Variants in EEF1A2 observed in about 807,000 individuals in gnomAD.
EEF1A2 encodes eukaryotic translation elongation factor 1 alpha 2.
A neutral mutation model predicts 39.3 loss-of-function variants in EEF1A2; 5 were observed. The ratio of observed to expected loss-of-function variants is 0.13; its 90% CI spans 0.07 to 0.27. The LOEUF is 0.27. Ranked by LOEUF, EEF1A2 falls within the 10% of genes least tolerant of loss-of-function variation. The pLI is 1.00. For missense variants in EEF1A2, 218 were observed against 681.4 expected, an observed-to-expected ratio of 0.32 and a Z score of 7.57; for synonymous variants, 287 against 293.7, an observed-to-expected ratio of 0.98 and a Z score of 0.23.
chr20:63,491,639 CGGATGGATGGGGAGGTGGGTGGAT>C (rs2082379032), intron 5 of EEF1A2, among the ~76,000 whole-genome samples: 1 of 142,718 alleles, frequency 7.0e-6, no homozygotes, highest in African/African-American at 2.6e-5. Context: ...GATGGATGGA[CGGATGGATGGGGAGGTGGGTGGAT>C]GGATGGATGG....
At position 63,498,069 on chromosome 20, in the gene EEF1A2, T is replaced by C. The variant is rs1466779117; in HGVS notation, c.-71-235A>G. ...AACAGCCCCATCTGCTGTAAATAAC[T>C]GGGCGTTGGAGCCCGCGGGCTGCTC... On this transcript the variant is annotated intron_variant, in intron 1 of 7. Transcript: ENST00000217182. This position sits in a 1 kb window ranked among gnomAD's most constrained non-coding sequence, Gnocchi z 4.1. The C allele has an allele frequency of 7.1e-6, 2 of 283,504 alleles. No individual in the cohort carries two copies. Among genetic ancestry groups the C allele is most frequent in the Non-Finnish European group, 1.3e-5 (2 of 151,364 alleles). The allele number at this position is 283,504 out of a possible 1,614,324, so 17.6% of individuals were successfully genotyped here.
Position 63,493,132 on chromosome 20 carries a change from C to T in EEF1A2, c.772+5G>A, listed in dbSNP as rs2082398700. 2 of 1,546,984 alleles carry T rather than the reference C, an allele frequency of 1.3e-6. No individual in the cohort carries two copies. The highest frequency in any genetic ancestry group is 2.0e-5 in the Admixed American group (1 of 50,820). On this transcript the variant is annotated splice_donor_5th_base_variant and intron_variant, in intron 5 of 7. Transcript: ENST00000217182. ...CAGGAGCTCCAGCACAGCGCCCTTG[C>T]TCACCGCCAATCTTGTACACGTCCT...
intron 5 of EEF1A2, among the ~76,000 whole-genome samples, chr20:63,491,903 T>TAGAA (rs2082382646): frequency 8.4e-6 from 1 of 119,560 alleles, no homozygotes; most frequent in African/African-American, 3.3e-5. Flanking sequence ...GATGGATGGA[T>TAGAA]GGATGGATGG....
In EEF1A2 at chr20:63,489,192, G is replaced by A. The variant is rs767609156; in HGVS notation, c.1030-40C>T. 6.3e-6 allele frequency: 10 copies of A among 1,592,034 alleles called. No homozygotes were observed. In the African/African-American group the frequency reaches 8.0e-5, roughly 13 times the overall value. On this transcript the variant is annotated intron_variant, in intron 6 of 7. Coordinates refer to ENST00000217182, the MANE Select transcript of EEF1A2 (RefSeq NM_001958.5). ...ACAGGCGGCCATCAGGCACATCGGC[G>A]GTGGGCACCGGGAGGGCGCCAGAGC...
In EEF1A2 at chr20:63,497,439, T is replaced by TA; in HGVS notation, c.144+180dup. The TA allele has an allele frequency of 2.1e-6, 2 of 958,326 alleles. No homozygotes were observed. Among genetic ancestry groups the TA allele is most frequent in the Non-Finnish European group, 2.9e-6 (2 of 678,416 alleles). The allele number at this position is 958,326 out of a possible 1,614,324, so 59.4% of individuals were successfully genotyped here. ...CACCCCTCCCCCACCAAGCTCCCCC[T>TA]AAGAGAGAGGCTGCCCCACCAGACC... On this transcript the variant is annotated intron_variant, in intron 2 of 7. Coordinates refer to ENST00000217182, the MANE Select transcript of EEF1A2 (RefSeq NM_001958.5). This position sits in a 1 kb window ranked among gnomAD's most constrained non-coding sequence, Gnocchi z 7.3.
intron 5 of EEF1A2, among the ~76,000 whole-genome samples, chr20:63,491,876 A>AGATCGATG (rs2082381914): frequency 1.6e-5 from 1 of 62,234 alleles, no homozygotes; most frequent in Non-Finnish European, 3.1e-5. Context: ...GTGGATGGAT[A>AGATCGATG]GATGGATGGA....
At chr20:63,492,627 T>G (rs2082394020) in intron 5 of EEF1A2, among the ~76,000 whole-genome samples, 1 of 133,536 alleles carries the variant, frequency 7.5e-6, no homozygotes, top group Non-Finnish European at 1.6e-5. Context: ...GAGAGAAGGA[T>G]GGATGGGTGG....
chr20:63,490,718 C>T lies in EEF1A2; in HGVS notation c.790G>A (p.Val264Met). 1 of 1,602,588 alleles carries T rather than the reference C, an allele frequency of 6.2e-7. No homozygotes were observed. The highest frequency in any genetic ancestry group is 8.5e-7 in the Non-Finnish European group (1 of 1,177,242). ...AGGATGCCGGTCTCCACCCGGCCCA[C>T]GGGCACCGTGCCAATGCCTGCAGAG... ...YKIGGIGTVP[V>M]GRVETGILRP... The change falls in exon 6 of 8, where the codon GTG becomes ATG. Residue 264 changes from valine to methionine, a missense_variant. By Grantham distance (21) the Val-to-Met change is conservative. Around this residue, in one of 4 missense-constraint regions of EEF1A2, gnomAD observed 80 missense variants for 295.9 expected, o/e 0.27. Transcript: ENST00000217182.
At position 63,497,689 on chromosome 20, in the gene EEF1A2, G is replaced by T; in HGVS notation, c.75C>A (p.Gly25=). 1 of 1,613,090 alleles carries T rather than the reference G, an allele frequency of 6.2e-7. No homozygotes were observed. Among genetic ancestry groups the T allele is most frequent in the Non-Finnish European group, 8.5e-7 (1 of 1,179,872 alleles). The change falls in exon 2 of 8, where the codon GGC becomes GGA. Residue 25 remains glycine, a synonymous_variant. Coordinates refer to ENST00000217182, the MANE Select transcript of EEF1A2 (RefSeq NM_001958.5). The surrounding 1 kb of genome is among the most constrained non-coding windows in gnomAD (Gnocchi z 7.3). ...HVDSGKSTTT[G]HLIYKCGGID... is the part of the protein sequence containing the mutation. Reference sequence around the variant, plus strand: ...TACCTCCGCATTTGTAGATGAGGTGGCCCGTGGTGGTGGACTTTCCGGAGT... The same window carrying T: ...TACCTCCGCATTTGTAGATGAGGTGTCCCGTGGTGGTGGACTTTCCGGAGT...
At position 63,498,689 on chromosome 20, in the gene EEF1A2, C is replaced by A. The variant is rs2082429720; in HGVS notation, c.-72+369G>T. 6.6e-6 allele frequency: 1 copy of A among 152,286 alleles called. No individual in the cohort carries two copies. Among genetic ancestry groups the A allele is most frequent in the Non-Finnish European group, 1.5e-5 (1 of 68,162 alleles). 9.4% of individuals were successfully genotyped at this position (152,286 alleles called of 1,614,324 possible). A position where few individuals can be genotyped will look rare whatever the true frequency, so the allele number is the denominator to read the frequency against. ...CTGGGGGAGGGAAAGAGGACAGAAG[C>A]CACCCTGGGGTGGGAACACGGGTGG... On this transcript the variant is annotated intron_variant, in intron 1 of 7. Transcript: ENST00000217182. The surrounding 1 kb of genome is among the most constrained non-coding windows in gnomAD (Gnocchi z 4.1).
intron 5 of EEF1A2, 124 bp downstream of exon 5, chr20:63,493,013 C>A: frequency 7.5e-7 from 1 of 1,336,350 alleles, no homozygotes; most frequent in Non-Finnish European, 9.9e-7. Context: ...GACTGTCCCA[C>A]AGAAAGTGTG....
chr20:63,494,684 G>A (rs1247265925), intron 4 of EEF1A2, 121 bp downstream of exon 4: 6 of 1,353,414 alleles, frequency 4.4e-6, no homozygotes, highest in Non-Finnish European at 5.9e-6. Flanking sequence ...CAGGTTTCGA[G>A]GGGAACCTGC....
In EEF1A2 at chr20:63,493,314, G is replaced by A. The variant is rs202194696; in HGVS notation, c.622-27C>T. The A allele has an allele frequency of 1.9e-5, 28 of 1,480,822 alleles. No individual in the cohort carries two copies. The African/African-American group carries it at 2.4e-4, about 13-fold the overall frequency. The allele number at this position is 1,480,822 out of a possible 1,614,324, so 91.7% of individuals were successfully genotyped here. A position where few individuals can be genotyped will look rare whatever the true frequency, so the allele number is the denominator to read the frequency against. On this transcript the variant is annotated intron_variant, in intron 4 of 7. Coordinates refer to ENST00000217182, the MANE Select transcript of EEF1A2 (RefSeq NM_001958.5). ...TGGACCAAAGGGAGAAAATCAATCC[G>A]TTAAGAGACATTGGTGGCCTCCCCA...
rs75647010 is a variant in EEF1A2 at position 63,497,419 on chromosome 20, C to T, written c.144+201G>A. The T allele has an allele frequency of 2.8e-5, 21 of 751,690 alleles. No homozygotes were observed. Among genetic ancestry groups the T allele is most frequent in the Admixed American group, 1.1e-4 (3 of 28,058 alleles). The allele number at this position is 751,690 out of a possible 1,614,324, so 46.6% of individuals were successfully genotyped here. A position where few individuals can be genotyped will look rare whatever the true frequency, so the allele number is the denominator to read the frequency against. On this transcript the variant is annotated intron_variant, in intron 2 of 7. Coordinates refer to ENST00000217182, the MANE Select transcript of EEF1A2 (RefSeq NM_001958.5). This position sits in a 1 kb window ranked among gnomAD's most constrained non-coding sequence, Gnocchi z 7.3. ...AAGTCCGGCAGCTCGATGGCCACCC[C>T]TCCCCCACCAAGCTCCCCCTAAGAG...
At chr20:63,492,390 G>GGAGATGGATGGATGGA (rs769905403) in intron 5 of EEF1A2, among the ~76,000 whole-genome samples, 2,165 of 129,186 alleles carry the variant, frequency 0.017, 2 homozygotes, top group African/African-American at 0.028. Flanking sequence ...GGATGGGTGG[G>GGAGATGGATGGATGGA]TAGATGGATG....
intron 5 of EEF1A2, among the ~76,000 whole-genome samples, chr20:63,491,920 AGATGGATG>A (rs370750773): frequency 2.8e-5 from 1 of 36,182 alleles, no homozygotes; most frequent in Non-Finnish European, 6.0e-5. Context: ...ATGGGGGGAT[AGATGGATG>A]GATGGATGGA....
At chr20:63,496,726 C>A (rs2082419427) in intron 2 of EEF1A2, 1 of 152,546 alleles carries the variant, frequency 6.6e-6, no homozygotes, top group Non-Finnish European at 1.5e-5. Flanking sequence ...CAGGACTCTG[C>A]CCTCCAGGAG....
At chr20:63,490,844 C>G (rs989952183) in intron 5 of EEF1A2, 109 bp from the exon 6 acceptor site, 44 of 1,358,694 alleles carry the variant, frequency 3.2e-5, no homozygotes, top group Non-Finnish European at 4.3e-5. Context: ...TGGATCCCCC[C>G]GACAGGCCTG....
chr20:63,497,840 G>A lies in EEF1A2; in HGVS notation c.-71-6C>T. 1 of 1,551,026 alleles carries A rather than the reference G, an allele frequency of 6.4e-7. No homozygotes were observed. Among genetic ancestry groups the A allele is most frequent in the Non-Finnish European group, 8.7e-7 (1 of 1,146,456 alleles). ...CGAGGGGGGCTGCAGTGATTCTGTG[G>A]GGCCAGTGGTGGTGGGGAGACCGGT... is the stretch of plus-strand genomic sequence containing the variant. On this transcript the variant is annotated splice_polypyrimidine_tract_variant and splice_region_variant and intron_variant, in intron 1 of 7. Coordinates refer to ENST00000217182, the MANE Select transcript of EEF1A2 (RefSeq NM_001958.5). This position sits in a 1 kb window ranked among gnomAD's most constrained non-coding sequence, Gnocchi z 7.3.
Sources: allele counts gnomAD v4.1 joint callset (sites outside exome capture counted in the v4.1 genomes callset), GRCh38; gene constraint gnomAD v4.1.1; regional missense constraint gnomAD v4.1.1; non-coding constraint Gnocchi (gnomAD v3.1); transcripts MANE v1.5; gene names NCBI Gene and HGNC (gene_info 2026-07-23, HGNC 2026-07-21).